CPVL: variants seen among roughly 807,000 people sequenced by gnomAD.
CPVL encodes carboxypeptidase vitellogenic like.
In CPVL, 51 loss-of-function variants were observed where a neutral mutation model predicts 63.7. The ratio of observed to expected loss-of-function variants is 0.80; its 90% CI spans 0.64 to 1.01. CPVL has a LOEUF of 1.01. CPVL is among the 50% of genes least tolerant of loss of function. The pLI is 0.00. For synonymous variants in CPVL, 195 were observed against 206.0 expected, an observed-to-expected ratio of 0.95 and a Z score of 0.46; for missense variants, 530 against 573.1, an observed-to-expected ratio of 0.92 and a Z score of 0.77.
intron 6 of CPVL, among the ~76,000 whole-genome samples, chr7:29,091,632 C>G (rs201148191): frequency 6.6e-6 from 1 of 152,076 alleles, no homozygotes. Flanking sequence ...TGGGCATCCC[C>G]CTAGAAACTG....
chr7:29,075,486 C>T (rs1331570095), intron 7 of CPVL, among the ~76,000 whole-genome samples: 2 of 130,932 alleles, frequency 1.5e-5, no homozygotes, highest in African/African-American at 5.8e-5. Flanking sequence ...GCATTTCAGT[C>T]AACGAAATCT....
At chr7:29,179,306 G>A (rs960500383) in intron 5 of CPVL, among the ~76,000 whole-genome samples, 2 of 152,214 alleles carry the variant, frequency 1.3e-5, no homozygotes, top group Admixed American at 1.3e-4. Context: ...AAGTCATGAG[G>A]AAGAGTGCTC....
At chr7:29,186,381 G>C (rs1167140484) in intron 2 of CPVL, 1 of 152,290 alleles carries the variant, frequency 6.6e-6, no homozygotes, top group Middle Eastern at 3.4e-3. Context: ...CCAGGAGTCT[G>C]AGACAAGCCT....
rs1228243703 is a variant in CPVL at position 29,068,205 on chromosome 7, C to T, written c.865-2084G>A. Among the ~76,000 whole-genome samples the T allele has an allele frequency of 4.6e-5, 7 of 151,878 alleles. No individual in the cohort carries two copies. The East Asian group carries it at 5.8e-4, about 13-fold the overall frequency. On this transcript the variant is annotated intron_variant, in intron 9 of 12. Coordinates refer to ENST00000265394, the MANE Select transcript of CPVL (RefSeq NM_031311.5). ...TGTGTGTGTGTATTTTTAATAGAGA[C>T]GGGGTTTCACCATGTTGATCAGGCT...
intron 1 of CPVL, among the ~76,000 whole-genome samples, chr7:29,188,282 C>G (rs1261709691): frequency 6.6e-6 from 1 of 151,958 alleles, no homozygotes; most frequent in Non-Finnish European, 1.5e-5. Context: ...TTTTAGAGAC[C>G]AAGAATATAA....
intron 1 of CPVL, among the ~76,000 whole-genome samples, chr7:29,135,059 G>A (rs1032635091): frequency 3.4e-5 from 5 of 146,818 alleles, no homozygotes; most frequent in African/African-American, 5.1e-5. Flanking sequence ...AGCCATGATC[G>A]CACCACTGCA....
intron 7 of CPVL, among the ~76,000 whole-genome samples, chr7:29,073,999 T>C (rs1365373745): frequency 6.6e-6 from 1 of 152,212 alleles, no homozygotes; most frequent in African/African-American, 2.4e-5. Flanking sequence ...CAGGGGTCTG[T>C]AGTTCAAAGG....
chr7:29,041,567 G>A (rs917265795), intron 11 of CPVL, among the ~76,000 whole-genome samples: 1 of 151,158 alleles, frequency 6.6e-6, no homozygotes, highest in East Asian at 2.1e-4. Flanking sequence ...GGGTCAAGGA[G>A]CCAATTTCTT....
intron 5 of CPVL, among the ~76,000 whole-genome samples, chr7:29,180,458 C>T (rs759439875): frequency 8.6e-5 from 13 of 151,682 alleles, no homozygotes; most frequent in African/African-American, 1.2e-4. Context: ...ACCTAGGAGG[C>T]GGAGGTTGCA....
chr7:29,053,889 CAAAAA>C (rs1036543437), intron 11 of CPVL, among the ~76,000 whole-genome samples: 2 of 60,682 alleles, frequency 3.3e-5, no homozygotes, highest in Non-Finnish European at 4.5e-5. Flanking sequence ...TCTGTTTGTA[CAAAAA>C]AAAAAAAAAA....
chr7:29,123,346 T>C (rs1301044232), intron 1 of CPVL, among the ~76,000 whole-genome samples: 4 of 151,834 alleles, frequency 2.6e-5, no homozygotes, highest in Non-Finnish European at 5.9e-5. Flanking sequence ...TTCCCCACAC[T>C]TAATGTAAAT....
At chr7:29,135,861 G>C (rs867674199) in intron 1 of CPVL, among the ~76,000 whole-genome samples, 1 of 152,024 alleles carries the variant, frequency 6.6e-6, no homozygotes, top group Non-Finnish European at 1.5e-5. Flanking sequence ...ACCACACCCA[G>C]CTAGATTTTG....
chr7:29,111,713 A>G (rs1788252024), intron 3 of CPVL, among the ~76,000 whole-genome samples: 1 of 152,212 alleles, frequency 6.6e-6, no homozygotes, highest in African/African-American at 2.4e-5. Context: ...AGAGCAGGAA[A>G]GAAAAGTCAA....
intron 3 of CPVL, among the ~76,000 whole-genome samples, chr7:29,101,718 C>T (rs1046909105): frequency 6.6e-6 from 1 of 151,926 alleles, no homozygotes; most frequent in Non-Finnish European, 1.5e-5. Context: ...TCTTCCCCGA[C>T]AAATTCTACT....
intron 3 of CPVL, among the ~76,000 whole-genome samples, chr7:29,184,928 C>T (rs245919): frequency 0.56 from 84,708 of 152,024 alleles, 24,357 homozygotes; most frequent in East Asian, 0.79. Flanking sequence ...AATCTTTGGG[C>T]ATAAAGAGTC....
intron 3 of CPVL, among the ~76,000 whole-genome samples, chr7:29,099,810 C>G (rs1416676216): frequency 6.6e-6 from 1 of 152,182 alleles, no homozygotes; most frequent in Non-Finnish European, 1.5e-5. Flanking sequence ...GAATTGGGAG[C>G]CAGACAGGCT....
chr7:28,995,551 T>C lies in CPVL; in HGVS notation c.*221A>G. ...CACATCATCCATACCTTTCATCCTT[T>C]AAGTTAAATAATGTAATTCTTACTC... On this transcript the variant is annotated 3_prime_UTR_variant, in exon 13 of 13. Coordinates refer to ENST00000265394, the MANE Select transcript of CPVL (RefSeq NM_031311.5). The C allele has an allele frequency of 2.1e-6, 1 of 471,788 alleles. No homozygotes were observed. The highest frequency in any genetic ancestry group is 3.7e-6 in the Non-Finnish European group (1 of 271,856). The allele number at this position is 471,788 out of a possible 1,614,324, so 29.2% of individuals were successfully genotyped here.
At chr7:29,092,496 T>C (rs1584238575) in intron 6 of CPVL, 127 bp downstream of exon 6, 3 of 646,812 alleles carry the variant, frequency 4.6e-6, no homozygotes, top group Admixed American at 5.5e-5. Context: ...AAAATATCCT[T>C]AAATTATCTT....
At chr7:29,143,150 A>C (rs1315445760) in intron 1 of CPVL, among the ~76,000 whole-genome samples, 3 of 152,204 alleles carry the variant, frequency 2.0e-5, no homozygotes, top group African/African-American at 7.2e-5. Flanking sequence ...ATGAAATTTA[A>C]TGTCCTCCAT....
Sources: gnomAD v4.1 joint callset for allele counts (sites outside exome capture counted in the v4.1 genomes callset) on GRCh38, gnomAD v4.1.1 for gene constraint, MANE v1.5 for transcripts, NCBI Gene and HGNC (gene_info 2026-07-23, HGNC 2026-07-21) for gene names.